Variants in ARHGAP26 observed in about 807,000 individuals in gnomAD.
ARHGAP26 encodes the protein rho GTPase-activating protein 26.
Under a neutral mutation model 104.8 loss-of-function variants are expected in ARHGAP26, and 38 were observed. That is an observed-to-expected ratio of 0.36 (90% CI 0.28 to 0.48). ARHGAP26 has a LOEUF of 0.48. Among genes scored for constraint, ARHGAP26 ranks in the 20% least tolerant of loss-of-function variants. The pLI, the probability that ARHGAP26 is intolerant of heterozygous loss-of-function variation, is 0.99. For synonymous variants in ARHGAP26, 341 were observed against 340.0 expected (o/e 1.00, Z -0.03); for missense variants, 704 against 947.9 (o/e 0.74, Z 3.38).
At chr5:142,996,861 AAG>A (rs1052369549) in intron 11 of ARHGAP26, among the ~76,000 whole-genome samples, 3 of 151,566 alleles carry the variant, frequency 2.0e-5, no homozygotes, top group African/African-American at 2.4e-5. Flanking sequence ...GGCTTATAGA[AAG>A]AGAGAGAGAG....
intron 1 of ARHGAP26, among the ~76,000 whole-genome samples, chr5:142,800,488 G>A (rs1290064935): frequency 6.6e-6 from 1 of 151,432 alleles, no homozygotes; most frequent in East Asian, 1.9e-4. Context: ...TCAGCCTCCC[G>A]AGTAGCTGGG....
intron 11 of ARHGAP26, among the ~76,000 whole-genome samples, chr5:142,999,112 GC>G (rs1159180175): frequency 6.6e-6 from 1 of 152,100 alleles, no homozygotes; most frequent in East Asian, 1.9e-4. Context: ...TTTGTTTCAG[GC>G]CCCCCTTTTG....
chr5:142,922,979 G>A (rs2152509192), intron 10 of ARHGAP26, among the ~76,000 whole-genome samples: 1 of 152,216 alleles, frequency 6.6e-6, no homozygotes, highest in Non-Finnish European at 1.5e-5. Context: ...GACTTGAGTT[G>A]GGAGACGATA....
At chr5:143,106,340 A>G (rs1436260440) in intron 17 of ARHGAP26, among the ~76,000 whole-genome samples, 1 of 152,048 alleles carries the variant, frequency 6.6e-6, no homozygotes, top group East Asian at 1.9e-4. Flanking sequence ...TGTTCGCATC[A>G]TTGTGCGGGT....
At chr5:142,866,163 A>G (rs370609912) in intron 1 of ARHGAP26, among the ~76,000 whole-genome samples, 19 of 151,940 alleles carry the variant, frequency 1.3e-4, no homozygotes, top group South Asian at 2.1e-4. Flanking sequence ...GTAGTTTTGC[A>G]CACACAGATT....
chr5:143,138,377 T>A (rs1203326305), intron 19 of ARHGAP26, among the ~76,000 whole-genome samples: 1 of 152,176 alleles, frequency 6.6e-6, no homozygotes, highest in African/African-American at 2.4e-5. Flanking sequence ...GGAAAGGGAA[T>A]GATGGGGAAA....
intron 20 of ARHGAP26, among the ~76,000 whole-genome samples, chr5:143,151,899 T>C (rs1267887681): frequency 6.6e-6 from 1 of 152,118 alleles, no homozygotes; most frequent in African/African-American, 2.4e-5. Flanking sequence ...GAGGTTGCAG[T>C]GAGCTGAGAT....
intron 17 of ARHGAP26, among the ~76,000 whole-genome samples, chr5:143,067,701 C>T (rs1425771892): frequency 6.6e-6 from 1 of 152,186 alleles, no homozygotes; most frequent in Non-Finnish European, 1.5e-5. Flanking sequence ...GTATTGCAAG[C>T]AGGTCTTGCT....
intron 22 of ARHGAP26, among the ~76,000 whole-genome samples, chr5:143,216,929 C>T (rs1455357841): frequency 1.3e-5 from 2 of 152,178 alleles, no homozygotes; most frequent in Non-Finnish European, 2.9e-5. Flanking sequence ...CTCCCCACTC[C>T]TTCACCTCTA....
chr5:143,155,633 C>G (rs1318015830), intron 20 of ARHGAP26, among the ~76,000 whole-genome samples: 1 of 152,160 alleles, frequency 6.6e-6, no homozygotes, highest in Non-Finnish European at 1.5e-5. Context: ...AGCCTGTCAG[C>G]AGAGGGGGTA....
At chr5:143,003,384 T>C (rs1316091671) in intron 11 of ARHGAP26, among the ~76,000 whole-genome samples, 1 of 152,248 alleles carries the variant, frequency 6.6e-6, no homozygotes, top group Non-Finnish European at 1.5e-5. Context: ...CATCATGACC[T>C]GCCTCTGACC....
At chr5:142,827,137 T>C (rs1239369696) in intron 1 of ARHGAP26, among the ~76,000 whole-genome samples, 1 of 152,024 alleles carries the variant, frequency 6.6e-6, no homozygotes, top group African/African-American at 2.4e-5. Context: ...TTTTCTACCC[T>C]ATTTTTTTTC....
chr5:143,057,951 G>A (rs921226107), intron 17 of ARHGAP26: 1 of 689,150 alleles, frequency 1.5e-6, no homozygotes, highest in African/African-American at 1.8e-5. Context: ...GGATGCTGGG[G>A]AAGTGCTCAT....
At chr5:142,771,231 T>C in intron 1 of ARHGAP26, 3 of 1,254,430 alleles carry the variant, frequency 2.4e-6, no homozygotes, top group East Asian at 6.3e-5. Context: ...GGGGCCAGAG[T>C]GCCGAGCGCG....
At chr5:143,117,820 A>C (rs1795673401) in intron 17 of ARHGAP26, among the ~76,000 whole-genome samples, 1 of 152,212 alleles carries the variant, frequency 6.6e-6, no homozygotes, top group African/African-American at 2.4e-5. Context: ...ATTCCCCAAA[A>C]ATCATTTGAA....
chr5:143,093,054 T>G (rs1418797229), intron 17 of ARHGAP26, among the ~76,000 whole-genome samples: 1 of 152,212 alleles, frequency 6.6e-6, no homozygotes, highest in African/African-American at 2.4e-5. Context: ...CCTGCTGGGT[T>G]AAGGGAATTT....
intron 11 of ARHGAP26, among the ~76,000 whole-genome samples, chr5:142,971,845 G>C (rs1240594182): frequency 6.6e-6 from 1 of 152,162 alleles, no homozygotes; most frequent in African/African-American, 2.4e-5. Flanking sequence ...CTGACATTAA[G>C]GATGAGGTTG....
chr5:142,861,913 T>A lies in ARHGAP26; in HGVS notation c.155-11487T>A, dbSNP rs7733954. 7.5e-3 allele frequency among the ~76,000 whole-genome samples: 1,141 copies of A among 152,278 alleles called. 18 individuals carry two copies. Among genetic ancestry groups the A allele is most frequent in the African/African-American group, 0.024 (1,016 of 41,538 alleles). ...AAGGCCTCGATTTACCCACCATACC[T>A]TGTTTTTCTCTTGATTGCCCTCAAA... On this transcript the variant is annotated intron_variant, in intron 1 of 22. Transcript: ENST00000645722.
At chr5:142,848,902 C>G (rs1041519497) in intron 1 of ARHGAP26, among the ~76,000 whole-genome samples, 4 of 152,142 alleles carry the variant, frequency 2.6e-5, no homozygotes. Context: ...CTTGGCCCTA[C>G]TAAGTAATGA....
Sources: gnomAD v4.1 joint callset for allele counts (sites outside exome capture counted in the v4.1 genomes callset) on GRCh38, gnomAD v4.1.1 for gene constraint, MANE v1.5 for transcripts, NCBI Gene and HGNC (gene_info 2026-07-23, HGNC 2026-07-21) for gene names.